PTPRB: variants seen among roughly 807,000 people sequenced by gnomAD.
PTPRB encodes protein tyrosine phosphatase receptor type B.
Under a neutral mutation model 238.1 loss-of-function variants are expected in PTPRB, and 97 were observed. That is an observed-to-expected ratio of 0.41 (90% confidence interval 0.35 to 0.48). PTPRB has a LOEUF of 0.48. Among genes scored for constraint, PTPRB ranks in the 20% least tolerant of loss-of-function variants. The pLI is 0.30. For synonymous variants in PTPRB, 970 were observed against 995.4 expected (o/e 0.97, Z 0.48); for missense variants, 2,292 against 2,681.9 (o/e 0.85, Z 3.21).
intron 29 of PTPRB, among the ~76,000 whole-genome samples, chr12:70,535,471 G>A (rs865848402): frequency 6.6e-6 from 1 of 152,046 alleles, no homozygotes; most frequent in Non-Finnish European, 1.5e-5. Context: ...TACAGACAAG[G>A]GGAAGAGGAA....
intron 2 of PTPRB, among the ~76,000 whole-genome samples, chr12:70,622,948 TA>T (rs1241371643): frequency 9.3e-5 from 12 of 128,974 alleles, no homozygotes; most frequent in African/African-American, 1.9e-4. Flanking sequence ...TATGAGAATT[TA>T]GGGGGGGGGT....
At chr12:70,531,746 G>A (rs1450228489) in intron 32 of PTPRB, among the ~76,000 whole-genome samples, 1 of 132,378 alleles carries the variant, frequency 7.6e-6, no homozygotes. Context: ...GTAGGTGGAG[G>A]GAGTGGGGCT....
intron 3 of PTPRB, among the ~76,000 whole-genome samples, chr12:70,619,046 C>A (rs1036628368): frequency 2.0e-5 from 3 of 152,056 alleles, no homozygotes; most frequent in African/African-American, 7.2e-5. Flanking sequence ...GACAATCTTG[C>A]AGTAGCATTA....
chr12:70,627,361 C>T (rs61407602), intron 2 of PTPRB, among the ~76,000 whole-genome samples: 9,531 of 151,880 alleles, frequency 0.063, 799 homozygotes, highest in African/African-American at 0.2. Context: ...GTCCATTAGA[C>T]GCAATAGGCA....
In PTPRB at chr12:70,586,110, G is replaced by A. The variant is rs1278764355; in HGVS notation, c.2311+897C>T. On this transcript the variant is annotated intron_variant, in intron 9 of 33. Coordinates refer to ENST00000334414, the MANE Select transcript of PTPRB (RefSeq NM_001109754.4). The stretch of plus-strand genomic sequence containing the variant: ...GTGAATAGTGCCGCAATAAACATAC[G>A]TGTGCATGTGTCTTTATAGCAGCAT... 1.8e-4 allele frequency among the ~76,000 whole-genome samples: 27 copies of A among 152,122 alleles called. 1 individual carries two copies. The highest frequency in any genetic ancestry group is 1.7e-3 in the Admixed American group (26 of 15,274).
chr12:70,590,382 G>A lies in PTPRB; in HGVS notation c.1781-149C>T, dbSNP rs142093682. ...CTCTTGATGTCTGTGGATTGCAAAT[G>A]AGTGTTCTTTATTTCGGAGACATTT... On this transcript the variant is annotated intron_variant, in intron 7 of 33. Coordinates refer to ENST00000334414, the MANE Select transcript of PTPRB (RefSeq NM_001109754.4). 7,295 of 757,572 alleles carry A rather than the reference G, an allele frequency of 9.6e-3. 85 individuals carry two copies. The highest frequency in any genetic ancestry group is 0.01 in the Non-Finnish European group (5,259 of 501,444). The allele number at this position is 757,572 out of a possible 1,614,324, so 46.9% of individuals were successfully genotyped here.
rs1885407580 is a variant in PTPRB at position 70,630,607 on chromosome 12, T to A, written c.451+5064A>T. The stretch of plus-strand genomic sequence containing the variant: ...GAGAAAGAAATAAAGGGTATTCGAT[T>A]AGGAAAAGAGGAAATCAAATTGTCC... On this transcript the variant is annotated intron_variant, in intron 2 of 33. Transcript: ENST00000334414. Among the ~76,000 whole-genome samples the A allele has an allele frequency of 2.0e-5, 3 of 152,186 alleles. No homozygotes were observed. In the South Asian group the frequency reaches 6.2e-4, roughly 32 times the overall value.
intron 8 of PTPRB, among the ~76,000 whole-genome samples, chr12:70,588,489 C>T (rs940402332): frequency 5.9e-5 from 9 of 151,992 alleles, no homozygotes; most frequent in Non-Finnish European, 1.5e-5. Flanking sequence ...CAAAATTAGC[C>T]AGGTGTGGTG....
chr12:70,573,505 C>CTTTTTT (rs937307862), intron 11 of PTPRB, among the ~76,000 whole-genome samples: 33 of 90,794 alleles, frequency 3.6e-4, no homozygotes, highest in Non-Finnish European at 5.1e-4. Context: ...CTTTTCTTTT[C>CTTTTTT]TTTTTTTTTT....
Position 70,635,651 on chromosome 12 carries a change from C to T in PTPRB, c.451+20G>A, listed in dbSNP as rs2717417. ...TTAGTAGAAAGACTTTCAGGATTTG[C>T]TCTGAAAGGAATAGCTCACCTTTTT... On this transcript the variant is annotated intron_variant, in intron 2 of 33. Transcript: ENST00000334414. 0.21 allele frequency: 338,812 copies of T among 1,600,686 alleles called. 52,734 individuals are homozygous for T. The highest frequency in any genetic ancestry group is 0.64 in the African/African-American group (47,799 of 74,246).
chr12:70,547,520 T>C (rs1876173679), intron 21 of PTPRB, among the ~76,000 whole-genome samples: 1 of 87,614 alleles, frequency 1.1e-5, no homozygotes, highest in Admixed American at 1.7e-4. Flanking sequence ...TTTCTTTCCT[T>C]CCTTTTTTTT....
intron 4 of PTPRB, among the ~76,000 whole-genome samples, chr12:70,599,786 C>A (rs1385271594): frequency 2.0e-5 from 3 of 152,018 alleles, no homozygotes; most frequent in African/African-American, 7.2e-5. Flanking sequence ...AAAATGAATT[C>A]TTTTTTCCTT....
chr12:70,563,151 T>A, intron 15 of PTPRB, 44 bp from the exon 16 acceptor site: 1 of 1,551,288 alleles, frequency 6.4e-7, no homozygotes, highest in Non-Finnish European at 8.8e-7. Flanking sequence ...GGAAATGCAG[T>A]GAGGAGAAGG....
chr12:70,578,681 A>G (rs187181778), intron 10 of PTPRB, among the ~76,000 whole-genome samples: 7 of 152,346 alleles, frequency 4.6e-5, no homozygotes, highest in African/African-American at 1.7e-4. Context: ...AGTCCCACTT[A>G]CTTAAAGTAC....
intron 21 of PTPRB, among the ~76,000 whole-genome samples, chr12:70,549,528 C>T (rs1210408242): frequency 1.3e-5 from 2 of 152,168 alleles, no homozygotes; most frequent in Non-Finnish European, 2.9e-5. Flanking sequence ...AATAAACTTG[C>T]GTATCAGCTA....
In PTPRB at chr12:70,534,742, G is replaced by GAAACT. The variant is rs1334064300; in HGVS notation, c.6204+86_6204+90dup. 4.4e-6 allele frequency: 7 copies of GAAACT among 1,597,790 alleles called. No homozygotes were observed. In the East Asian group the frequency reaches 1.3e-4, roughly 31 times the overall value. On this transcript the variant is annotated intron_variant, in intron 30 of 33. Transcript: ENST00000334414. ...AGCCATGGAGCAACTCCTATGGGCTGAAACTACAAGAGAGGAACCAGCGAA... is the reference window on the plus strand; with the variant it reads ...AGCCATGGAGCAACTCCTATGGGCTGAAACTAAACTACAAGAGAGGAACCAGCGAA...
In PTPRB at chr12:70,534,969, GAC is replaced by G; in HGVS notation, c.6082-16_6082-15del. The G allele has an allele frequency of 6.2e-7, 1 of 1,601,536 alleles. No individual in the cohort carries two copies. ...ATCACACTTTACCTAGAACAGGACA[GAC>G]AGAAAAAACATGAGTCCGGAAAAGT... On this transcript the variant is annotated splice_polypyrimidine_tract_variant and intron_variant, in intron 29 of 33. Transcript: ENST00000334414.
intron 32 of PTPRB, among the ~76,000 whole-genome samples, chr12:70,526,172 T>TAATC (rs1342947274): frequency 6.6e-6 from 1 of 152,202 alleles, no homozygotes; most frequent in African/African-American, 2.4e-5. Flanking sequence ...AGGTCTGGTA[T>TAATC]AATCAATAGA....
chr12:70,602,966 T>C (rs1057364309), intron 4 of PTPRB, among the ~76,000 whole-genome samples: 1 of 152,180 alleles, frequency 6.6e-6, no homozygotes, highest in African/African-American at 2.4e-5. Context: ...AAAAATCTAA[T>C]ATTATCTTTT....
Sources: gnomAD v4.1 joint callset for allele counts (sites outside exome capture counted in the v4.1 genomes callset) on GRCh38, gnomAD v4.1.1 for gene constraint, MANE v1.5 for transcripts, NCBI Gene and HGNC (gene_info 2026-07-23, HGNC 2026-07-21) for gene names.